KCTD11: variants seen among roughly 807,000 people sequenced by gnomAD.
KCTD11 encodes the protein BTB/POZ domain-containing protein KCTD11.
In KCTD11, 8 loss-of-function variants were observed where a neutral mutation model predicts 10.7. The observed-to-expected ratio is 0.74, with a 90% CI of 0.44 to 1.34. The LOEUF (loss-of-function observed/expected upper bound fraction) is 1.34. Ranked by LOEUF, KCTD11 falls within the 40% of genes most tolerant of loss-of-function variation. KCTD11 has a pLI of 0.01. For synonymous variants in KCTD11, 153 were observed against 160.8 expected, an observed-to-expected ratio of 0.95 and a Z score of 0.37; for missense variants, 346 against 356.1, an observed-to-expected ratio of 0.97 and a Z score of 0.23.
rs1217461213 is a variant in KCTD11 at position 7,354,066 on chromosome 17, C to T, written c.*425C>T. ...GGTCTCTTGGACCATGGCTTCTACTCCTGAAGCTGGGTGGCCTGGCCTGGC... is the reference window on the plus strand; with the variant it reads ...GGTCTCTTGGACCATGGCTTCTACTTCTGAAGCTGGGTGGCCTGGCCTGGC... On this transcript the variant is annotated 3_prime_UTR_variant, in exon 1 of 1. Transcript: ENST00000333751. 5.7e-6 allele frequency: 1 copy of T among 176,844 alleles called. No homozygotes were observed. Among genetic ancestry groups the T allele is most frequent in the African/African-American group, 2.4e-5 (1 of 41,714 alleles). 11.0% of individuals were successfully genotyped at this position (176,844 alleles called of 1,614,324 possible).
rs1294725690 is a variant in KCTD11 at position 7,352,688 on chromosome 17, G to A, written c.-138G>A. On this transcript the variant is annotated 5_prime_UTR_variant, in exon 1 of 1. Transcript: ENST00000333751. The surrounding 1 kb of genome is among the most constrained non-coding windows in gnomAD (Gnocchi z 4.5). ...CTCCCCATCCACCACCAAAGTAGCCGGGGTGAGCCCCAAACCTTACTGGGT... is the reference window on the plus strand; with the variant it reads ...CTCCCCATCCACCACCAAAGTAGCCAGGGTGAGCCCCAAACCTTACTGGGT... 4.0e-6 allele frequency: 2 copies of A among 494,928 alleles called. No individual in the cohort carries two copies. The highest frequency in any genetic ancestry group is 7.1e-6 in the Non-Finnish European group (2 of 280,352). The allele number at this position is 494,928 out of a possible 1,614,324, so 30.7% of individuals were successfully genotyped here. A position where few individuals can be genotyped will look rare whatever the true frequency, so the allele number is the denominator to read the frequency against.
Position 7,354,905 on chromosome 17 carries a change from T to A in KCTD11, c.*1264T>A. On this transcript the variant is annotated 3_prime_UTR_variant, in exon 1 of 1. Transcript: ENST00000333751. Reference sequence around the variant, plus strand: ...ACACATTATTTCTCACTGGTCATGATTTACAAGAAGAAAAATAAAACTGCT... The same window carrying A: ...ACACATTATTTCTCACTGGTCATGAATTACAAGAAGAAAAATAAAACTGCT... The A allele has an allele frequency of 5.0e-6, 2 of 397,330 alleles. No homozygotes were observed. Among genetic ancestry groups the A allele is most frequent in the Non-Finnish European group, 9.4e-6 (2 of 212,352 alleles). The allele number at this position is 397,330 out of a possible 1,614,324, so 24.6% of individuals were successfully genotyped here. A position where few individuals can be genotyped will look rare whatever the true frequency, so the allele number is the denominator to read the frequency against.
chr17:7,353,238 G>T lies in KCTD11; in HGVS notation c.413G>T (p.Arg138Leu). 1 of 1,613,612 alleles carries T rather than the reference G, an allele frequency of 6.2e-7. No individual in the cohort carries two copies. ...CACGCAGATGTAGATGTCAGCCCCC[G>T]CCTGGTGCACTTCTCTGCTCGCCGG... Residue 138 changes from arginine (R) to leucine (L), a missense_variant, in exon 1 of 1, where the codon CGC becomes CTC. By Grantham distance (102) the Arg-to-Leu change is moderately radical (BLOSUM62 -2). Coordinates refer to ENST00000333751, the MANE Select transcript of KCTD11 (RefSeq NM_001363642.1). This position sits in a 1 kb window ranked among gnomAD's most constrained non-coding sequence, Gnocchi z 4.9.
Position 7,353,420 on chromosome 17 carries a change from G to A in KCTD11, c.595G>A (p.Ala199Thr). 2 of 1,610,446 alleles carry A rather than the reference G, an allele frequency of 1.2e-6. No individual in the cohort carries two copies. The highest frequency in any genetic ancestry group is 1.7e-6 in the Non-Finnish European group (2 of 1,179,634). ...GAGCCCACATTTTCATCTGGAGTGG[G>A]CCCCCCGCCCCGTGGAACTCCCCGA... The change falls in exon 1 of 1, where the codon GCC (alanine) becomes ACC (threonine). Residue 199 changes from alanine (A) to threonine (T), a missense_variant. Transcript: ENST00000333751. The surrounding 1 kb of genome is among the most constrained non-coding windows in gnomAD (Gnocchi z 4.9).
chr17:7,353,050 C>T lies in KCTD11; in HGVS notation c.225C>T (p.Ile75=), dbSNP rs1363336281. 1 of 1,613,648 alleles carries T rather than the reference C, an allele frequency of 6.2e-7. No homozygotes were observed. Among genetic ancestry groups the T allele is most frequent in the Non-Finnish European group, 8.5e-7 (1 of 1,179,934 alleles). ...GGGATGGCAAGGCCTTCCGGCACATCCTCAATTTCCTGAGGCTGGGCCGCC... is the reference window on the plus strand; with the variant it reads ...GGGATGGCAAGGCCTTCCGGCACATTCTCAATTTCCTGAGGCTGGGCCGCC... The change falls in exon 1 of 1, where the codon ATC becomes ATT. Residue 75 remains isoleucine, a synonymous_variant. Transcript: ENST00000333751. This position sits in a 1 kb window ranked among gnomAD's most constrained non-coding sequence, Gnocchi z 4.9.
chr17:7,352,947 T>TGG lies in KCTD11; in HGVS notation c.126_127dup (p.Ala43GlyfsTer38). The TGG allele has an allele frequency of 6.3e-7, 1 of 1,587,490 alleles. No homozygotes were observed. The highest frequency in any genetic ancestry group is 2.3e-5 in the East Asian group (1 of 44,362). ...CTGACCCGCTTCCCAGACTCTATGC[T>TGG]GGGGGCCATGTTTAGGGCCGGCACC... On this transcript the variant is annotated frameshift_variant, in exon 1 of 1. Coordinates refer to ENST00000333751, the MANE Select transcript of KCTD11 (RefSeq NM_001363642.1). LOFTEE classifies it high-confidence loss of function. This position sits in a 1 kb window ranked among gnomAD's most constrained non-coding sequence, Gnocchi z 4.5.
At position 7,354,610 on chromosome 17, in the gene KCTD11, G is replaced by GT. The variant is rs1264899369; in HGVS notation, c.*972dup. On this transcript the variant is annotated 3_prime_UTR_variant, in exon 1 of 1. Transcript: ENST00000333751. Reference sequence around the variant, plus strand: ...ACGTAGCCAGGAGGGGCCTGTTGGGGTTTGAGTCACTGGGATCTTCCTGGT... The same window carrying GT: ...ACGTAGCCAGGAGGGGCCTGTTGGGGTTTTGAGTCACTGGGATCTTCCTGGT... 6.0e-6 allele frequency: 1 copy of GT among 167,998 alleles called. No homozygotes were observed. Among genetic ancestry groups the GT allele is most frequent in the African/African-American group, 2.4e-5 (1 of 41,452 alleles). 10.4% of individuals were successfully genotyped at this position (167,998 alleles called of 1,614,324 possible).
Position 7,353,332 on chromosome 17 carries a change from C to T in KCTD11, c.507C>T (p.Asp169=), listed in dbSNP as rs1257875001. 3 of 1,614,062 alleles carry T rather than the reference C, an allele frequency of 1.9e-6. No homozygotes were observed. Among genetic ancestry groups the T allele is most frequent in the Non-Finnish European group, 2.5e-6 (3 of 1,180,052 alleles). ...TCCGAGCCAACCTTTTCTGCACCGA[C>T]TCTGAGTGTCTAGGTGCTTTGCGGG... is the stretch of plus-strand genomic sequence containing the variant. Residue 169 remains aspartate, a synonymous_variant, in exon 1 of 1, where the codon GAC becomes GAT. Transcript: ENST00000333751. This position sits in a 1 kb window ranked among gnomAD's most constrained non-coding sequence, Gnocchi z 4.9.
Position 7,353,411 on chromosome 17 carries a change from C to G in KCTD11, c.586C>G (p.Leu196Val). Residue 196 changes from leucine (L) to valine (V), a missense_variant, in exon 1 of 1, where the codon CTG becomes GTG. By Grantham distance (32) the Leu-to-Val change is conservative (BLOSUM62 1). Coordinates refer to ENST00000333751, the MANE Select transcript of KCTD11 (RefSeq NM_001363642.1). The surrounding 1 kb of genome is among the most constrained non-coding windows in gnomAD (Gnocchi z 4.9). ...GGCAGAGGGGAGCCCACATTTTCAT[C>G]TGGAGTGGGCCCCCCGCCCCGTGGA... The G allele has an allele frequency of 6.2e-7, 1 of 1,613,240 alleles. No individual in the cohort carries two copies. Among genetic ancestry groups the G allele is most frequent in the Non-Finnish European group, 8.5e-7 (1 of 1,180,002 alleles).
chr17:7,352,811 C>G lies in KCTD11; in HGVS notation c.-15C>G, dbSNP rs2073425549. ...TGCCTTTTCTTTTCTTTCGGTGTCT[C>G]CTGTACTTCCCAAAATTTCTCCTCC... On this transcript the variant is annotated 5_prime_UTR_variant, in exon 1 of 1. Transcript: ENST00000333751. This position sits in a 1 kb window ranked among gnomAD's most constrained non-coding sequence, Gnocchi z 4.5. 7 of 696,352 alleles carry G rather than the reference C, an allele frequency of 1.0e-5. No individual in the cohort carries two copies. The highest frequency in any genetic ancestry group is 1.7e-5 in the Non-Finnish European group (7 of 405,064). 43.1% of individuals were successfully genotyped at this position (696,352 alleles called of 1,614,324 possible).
In KCTD11 at chr17:7,353,603, C is replaced by A. The variant is rs182374070; in HGVS notation, c.778C>A (p.Leu260Met). 1.6e-5 allele frequency: 25 copies of A among 1,527,066 alleles called. No individual in the cohort carries two copies. In the East Asian group the frequency reaches 5.2e-4, roughly 32 times the overall value. The allele number at this position is 1,527,066 out of a possible 1,614,324, so 94.6% of individuals were successfully genotyped here. ...CTCTGTCTTCCCCGACCCCGAAGAC[C>A]TGCTCAACTCCAGGTCTCTGCGCTT... Residue 260 changes from leucine to methionine, a missense_variant, in exon 1 of 1, where the codon CTG becomes ATG. Leu to Met is a conservative substitution (Grantham distance 15, BLOSUM62 2). Coordinates refer to ENST00000333751, the MANE Select transcript of KCTD11 (RefSeq NM_001363642.1). This position sits in a 1 kb window ranked among gnomAD's most constrained non-coding sequence, Gnocchi z 4.9.
At position 7,354,922 on chromosome 17, in the gene KCTD11, A is replaced by G; in HGVS notation, c.*1281A>G. On this transcript the variant is annotated 3_prime_UTR_variant, in exon 1 of 1. Transcript: ENST00000333751. ...GGTCATGATTTACAAGAAGAAAAAT[A>G]AAACTGCTTTTGGAACCACAAACTT... 2.2e-6 allele frequency: 1 copy of G among 446,706 alleles called. No homozygotes were observed. The allele number at this position is 446,706 out of a possible 1,614,324, so 27.7% of individuals were successfully genotyped here. A position where few individuals can be genotyped will look rare whatever the true frequency, so the allele number is the denominator to read the frequency against.
chr17:7,353,552 G>GC lies in KCTD11; in HGVS notation c.728dup (p.Leu244SerfsTer36). The GC allele has an allele frequency of 6.4e-7, 1 of 1,561,086 alleles. No individual in the cohort carries two copies. Reference sequence around the variant, plus strand: ...CTTCCTGGAGGAGGTGCTGCGGGTGGCTCTCGAGCACGGCTTCCGACTAGA... The same window carrying GC: ...CTTCCTGGAGGAGGTGCTGCGGGTGGCCTCTCGAGCACGGCTTCCGACTAGA... On this transcript the variant is annotated frameshift_variant, in exon 1 of 1. Transcript: ENST00000333751. LOFTEE classifies it high-confidence loss of function. The surrounding 1 kb of genome is among the most constrained non-coding windows in gnomAD (Gnocchi z 4.9).
Position 7,353,435 on chromosome 17 carries a change from G to C in KCTD11, c.610G>C (p.Glu204Gln). 6.2e-7 allele frequency: 1 copy of C among 1,612,768 alleles called. No homozygotes were observed. Among genetic ancestry groups the C allele is most frequent in the South Asian group, 1.1e-5 (1 of 91,086 alleles). Reference sequence around the variant, plus strand: ...TCTGGAGTGGGCCCCCCGCCCCGTGGAACTCCCCGAGGTGGAGTATGGGAG... The same window carrying C: ...TCTGGAGTGGGCCCCCCGCCCCGTGCAACTCCCCGAGGTGGAGTATGGGAG... The change falls in exon 1 of 1, where the codon GAA becomes CAA. Residue 204 changes from glutamate (E) to glutamine (Q), a missense_variant. Glu to Gln is a conservative substitution (Grantham distance 29). Coordinates refer to ENST00000333751, the MANE Select transcript of KCTD11 (RefSeq NM_001363642.1). This position sits in a 1 kb window ranked among gnomAD's most constrained non-coding sequence, Gnocchi z 4.9.
In KCTD11 at chr17:7,353,029, T is replaced by G. The variant is rs1405350531; in HGVS notation, c.204T>G (p.Asp68Glu). 6.2e-7 allele frequency: 1 copy of G among 1,613,484 alleles called. No individual in the cohort carries two copies. Among genetic ancestry groups the G allele is most frequent in the Non-Finnish European group, 8.5e-7 (1 of 1,179,820 alleles). The change falls in exon 1 of 1, where the codon GAT becomes GAG. Residue 68 changes from aspartate to glutamate, a missense_variant. Transcript: ENST00000333751. The surrounding 1 kb of genome is among the most constrained non-coding windows in gnomAD (Gnocchi z 4.9). ...GCGGCCACTACTTCATCGACCGGGA[T>G]GGCAAGGCCTTCCGGCACATCCTCA...
rs778091992 is a variant in KCTD11, at chr17:7,353,095, C to G, written c.270C>G (p.Tyr90Ter). The change falls in exon 1 of 1, where the codon TAC (tyrosine) becomes TAG (stop). Residue 90 changes from tyrosine (Y) to a stop codon, truncating the protein, a stop_gained. Transcript: ENST00000333751. LOFTEE classifies it high-confidence loss of function. The surrounding 1 kb of genome is among the most constrained non-coding windows in gnomAD (Gnocchi z 4.9). ...GCCGCCTGGACCTGCCCCGTGGGTACGGAGAGACAGCGCTGCTCAGGGCAG... is the reference window on the plus strand; with the variant it reads ...GCCGCCTGGACCTGCCCCGTGGGTAGGGAGAGACAGCGCTGCTCAGGGCAG... 7.4e-6 allele frequency: 12 copies of G among 1,613,436 alleles called. No individual in the cohort carries two copies. The highest frequency in any genetic ancestry group is 1.0e-5 in the Non-Finnish European group (12 of 1,179,856).
chr17:7,353,321 T>G lies in KCTD11; in HGVS notation c.496T>G (p.Phe166Val), dbSNP rs1201455848. Residue 166 changes from phenylalanine to valine, a missense_variant, in exon 1 of 1, where the codon TTC becomes GTC. Coordinates refer to ENST00000333751, the MANE Select transcript of KCTD11 (RefSeq NM_001363642.1). The surrounding 1 kb of genome is among the most constrained non-coding windows in gnomAD (Gnocchi z 4.9). ...GGTGGACACCTTCCGAGCCAACCTT[T>G]TCTGCACCGACTCTGAGTGTCTAGG... 2.5e-6 allele frequency: 4 copies of G among 1,614,024 alleles called. No individual in the cohort carries two copies. Among genetic ancestry groups the G allele is most frequent in the Non-Finnish European group, 3.4e-6 (4 of 1,180,050 alleles).
rs983989305 is a variant in KCTD11, at chr17:7,352,841, G to A, written c.16G>A (p.Val6Met). 1.2e-6 allele frequency: 1 copy of A among 852,270 alleles called. No individual in the cohort carries two copies. The highest frequency in any genetic ancestry group is 1.9e-6 in the Non-Finnish European group (1 of 539,640). The allele number at this position is 852,270 out of a possible 1,614,324, so 52.8% of individuals were successfully genotyped here. ...ACTTCCCAAAATTTCTCCTCCTCCT[G>A]TGCCCTCTTCGCCCCCCTCCTTTGG... The change falls in exon 1 of 1, where the codon GTG (valine) becomes ATG (methionine). Residue 6 changes from valine to methionine, a missense_variant. Val to Met is a conservative substitution (Grantham distance 21, BLOSUM62 1). Coordinates refer to ENST00000333751, the MANE Select transcript of KCTD11 (RefSeq NM_001363642.1). The surrounding 1 kb of genome is among the most constrained non-coding windows in gnomAD (Gnocchi z 4.5).
At position 7,352,814 on chromosome 17, in the gene KCTD11, G is replaced by T; in HGVS notation, c.-12G>T. 4.2e-6 allele frequency: 3 copies of T among 710,188 alleles called. No homozygotes were observed. Among genetic ancestry groups the T allele is most frequent in the Non-Finnish European group, 7.2e-6 (3 of 416,524 alleles). The allele number at this position is 710,188 out of a possible 1,614,324, so 44.0% of individuals were successfully genotyped here. On this transcript the variant is annotated 5_prime_UTR_variant, in exon 1 of 1. Coordinates refer to ENST00000333751, the MANE Select transcript of KCTD11 (RefSeq NM_001363642.1). This position sits in a 1 kb window ranked among gnomAD's most constrained non-coding sequence, Gnocchi z 4.5. Reference sequence around the variant, plus strand: ...CTTTTCTTTTCTTTCGGTGTCTCCTGTACTTCCCAAAATTTCTCCTCCTCC... The same window carrying T: ...CTTTTCTTTTCTTTCGGTGTCTCCTTTACTTCCCAAAATTTCTCCTCCTCC...
Sources: gnomAD v4.1 joint callset for allele counts on GRCh38, gnomAD v4.1.1 for gene constraint, Gnocchi (gnomAD v3.1) non-coding constraint, MANE v1.5 for transcripts, NCBI Gene and HGNC (gene_info 2026-07-23, HGNC 2026-07-21) for gene names.